The following EDIL3 variants were observed in gnomAD, a reference collection of about 807,000 sequenced individuals.
The protein encoded by EDIL3 is EGF-like repeat and discoidin I-like domain-containing protein 3.
Under a neutral mutation model 67.4 loss-of-function variants are expected in EDIL3, and 37 were observed. The ratio of observed to expected loss-of-function variants is 0.55; its 90% CI spans 0.42 to 0.72. EDIL3 has a LOEUF of 0.72. EDIL3 is among the 30% of genes least tolerant of loss of function. EDIL3 has a pLI of 0.00. For synonymous variants in EDIL3, 195 were observed against 196.3 expected (o/e 0.99, Z 0.05); for missense variants, 527 against 586.3 (o/e 0.90, Z 1.04).
intron 5 of EDIL3, among the ~76,000 whole-genome samples, chr5:84,121,393 C>T (rs1405534029): frequency 6.6e-6 from 1 of 151,836 alleles, no homozygotes; most frequent in Non-Finnish European, 1.5e-5. Flanking sequence ...CCTCTCTTTT[C>T]TCATCTAGCC....
At chr5:83,943,645 C>T in intron 10 of EDIL3, 77 bp from the exon 11 acceptor site, 2 of 1,526,202 alleles carry the variant, frequency 1.3e-6, no homozygotes, top group Non-Finnish European at 1.8e-6. Flanking sequence ...CTGTTTGGAA[C>T]ATTTTCCCCA....
intron 9 of EDIL3, among the ~76,000 whole-genome samples, chr5:83,965,862 C>T (rs1403551946): frequency 6.6e-6 from 1 of 151,900 alleles, no homozygotes; most frequent in Admixed American, 6.6e-5. Context: ...TGGATTTTGT[C>T]CTAAAATTTG....
Position 84,229,789 on chromosome 5 carries a change from G to A in EDIL3, c.226+66C>T, listed in dbSNP as rs201927814. 2.0e-6 allele frequency: 3 copies of A among 1,481,652 alleles called. No individual in the cohort carries two copies. The African/African-American group carries it at 4.2e-5, about 21-fold the overall frequency. The allele number at this position is 1,481,652 out of a possible 1,614,324, so 91.8% of individuals were successfully genotyped here. A position where few individuals can be genotyped will look rare whatever the true frequency, so the allele number is the denominator to read the frequency against. ...AATCTGAAAAAATATTACTCAAAAG[G>A]TTGACTCTCTATTATTAAAGGCATG... On this transcript the variant is annotated intron_variant, in intron 3 of 10. Transcript: ENST00000296591.
intron 9 of EDIL3, among the ~76,000 whole-genome samples, chr5:84,053,420 C>T (rs1272897638): frequency 1.3e-5 from 2 of 152,136 alleles, no homozygotes; most frequent in Non-Finnish European, 2.9e-5. Flanking sequence ...AGAGCAAACA[C>T]ATTCAAAAGC....
chr5:84,079,044 T>A (rs1040870187), intron 6 of EDIL3, among the ~76,000 whole-genome samples: 4 of 152,084 alleles, frequency 2.6e-5, no homozygotes. Context: ...AATGATTTCA[T>A]CAATCAGGCC....
chr5:84,305,862 G>C, intron 1 of EDIL3, among the ~76,000 whole-genome samples: 1 of 151,798 alleles, frequency 6.6e-6, no homozygotes, highest in Non-Finnish European at 1.5e-5. Flanking sequence ...CTGAGCGACA[G>C]AGCAAGACTT....
intron 9 of EDIL3, among the ~76,000 whole-genome samples, chr5:84,053,934 G>C (rs960792539): frequency 1.3e-5 from 2 of 152,122 alleles, no homozygotes; most frequent in African/African-American, 4.8e-5. Flanking sequence ...TAGAAAAAGA[G>C]GGAATCCTCC....
intron 5 of EDIL3, among the ~76,000 whole-genome samples, chr5:84,123,819 C>T (rs1036717882): frequency 5.3e-5 from 8 of 151,882 alleles, no homozygotes; most frequent in Non-Finnish European, 1.2e-4. Context: ...TTCTTGGAAG[C>T]AGTGGAGGTG....
intron 9 of EDIL3, among the ~76,000 whole-genome samples, chr5:83,973,077 T>C (rs1426063781): frequency 6.6e-6 from 1 of 152,074 alleles, no homozygotes; most frequent in Non-Finnish European, 1.5e-5. Flanking sequence ...CTTTTCTTAC[T>C]GGATTACTGA....
intron 3 of EDIL3, among the ~76,000 whole-genome samples, chr5:84,194,258 T>C (rs1481323956): frequency 6.6e-6 from 1 of 151,942 alleles, no homozygotes; most frequent in Non-Finnish European, 1.5e-5. Context: ...GTCTTGCTGG[T>C]GGTGCTATCA....
At chr5:84,374,200 C>T (rs918803317) in intron 1 of EDIL3, among the ~76,000 whole-genome samples, 1 of 149,360 alleles carries the variant, frequency 6.7e-6, no homozygotes, top group Admixed American at 6.6e-5. Flanking sequence ...TCTCTTGAGT[C>T]CAAGAACTGG....
chr5:83,987,611 G>A (rs544196941), intron 9 of EDIL3, among the ~76,000 whole-genome samples: 3 of 151,994 alleles, frequency 2.0e-5, no homozygotes, highest in Admixed American at 6.6e-5. Context: ...GTGTATCTGC[G>A]GCTTATATTT....
At chr5:84,330,236 G>A (rs374529085) in intron 1 of EDIL3, among the ~76,000 whole-genome samples, 4 of 152,232 alleles carry the variant, frequency 2.6e-5, no homozygotes, top group African/African-American at 9.6e-5. Context: ...TCCTTTCAAT[G>A]TAAAGAGAAA....
intron 5 of EDIL3, among the ~76,000 whole-genome samples, chr5:84,116,207 A>T (rs980918030): frequency 6.6e-6 from 1 of 151,482 alleles, no homozygotes; most frequent in East Asian, 1.9e-4. Flanking sequence ...AAAAAAAAAA[A>T]AACCCCAAGA....
chr5:84,263,566 A>G (rs1180189922), intron 1 of EDIL3, among the ~76,000 whole-genome samples: 2 of 152,180 alleles, frequency 1.3e-5, no homozygotes, highest in Non-Finnish European at 2.9e-5. Context: ...CTACTCTCTA[A>G]TTATTCTGTG....
intron 1 of EDIL3, among the ~76,000 whole-genome samples, chr5:84,346,743 C>T (rs1296471791): frequency 6.6e-6 from 1 of 152,128 alleles, no homozygotes; most frequent in East Asian, 1.9e-4. Flanking sequence ...TTGTGAAACT[C>T]TTTGGAGAAA....
At chr5:83,994,231 ACT>A (rs1237661400) in intron 9 of EDIL3, among the ~76,000 whole-genome samples, 1 of 152,126 alleles carries the variant, frequency 6.6e-6, no homozygotes, top group African/African-American at 2.4e-5. Flanking sequence ...AGATAACTAT[ACT>A]CTGTTTCAAT....
intron 6 of EDIL3, among the ~76,000 whole-genome samples, chr5:84,089,195 C>G (rs955582364): frequency 6.6e-6 from 1 of 152,180 alleles, no homozygotes; most frequent in Non-Finnish European, 1.5e-5. Flanking sequence ...AAATGGCCAA[C>G]GGCTTAGAAG....
intron 9 of EDIL3, among the ~76,000 whole-genome samples, chr5:83,983,939 C>T (rs563480376): frequency 6.6e-6 from 1 of 151,618 alleles, no homozygotes; most frequent in South Asian, 2.1e-4. Context: ...GCCAAGTAAG[C>T]GTCAGAATCA....
Sources: gnomAD v4.1 joint callset for allele counts (sites outside exome capture counted in the v4.1 genomes callset) on GRCh38, gnomAD v4.1.1 for gene constraint, MANE v1.5 for transcripts, NCBI Gene and HGNC (gene_info 2026-07-23, HGNC 2026-07-21) for gene names.